RGS5: variants seen among roughly 807,000 people sequenced by gnomAD.
RGS5 encodes regulator of G-protein signalling 5.
A neutral mutation model predicts 18.9 loss-of-function variants in RGS5; 20 were observed. That is an observed-to-expected ratio of 1.06 (90% confidence interval 0.74 to 1.54). RGS5 has a LOEUF of 1.54. Ranked by LOEUF, RGS5 falls within the 40% of genes most tolerant of loss-of-function variation. RGS5 has a pLI of 0.00. For missense variants in RGS5, 201 were observed against 211.8 expected, an observed-to-expected ratio of 0.95 and a Z score of 0.32; for synonymous variants, 57 against 76.2, an observed-to-expected ratio of 0.75 and a Z score of 1.31.
chr1:163,161,887 T>C (rs1204515766), intron 3 of RGS5, 28 bp downstream of exon 3: 2 of 1,593,956 alleles, frequency 1.3e-6, no homozygotes, highest in African/African-American at 1.3e-5. Flanking sequence ...CTGACCTTTA[T>C]TTAAAAAAAC....
chr1:163,153,289 T>C (rs942472297), intron 3 of RGS5, among the ~76,000 whole-genome samples: 6 of 152,126 alleles, frequency 3.9e-5, no homozygotes, highest in African/African-American at 1.2e-4. Flanking sequence ...ATGGAGCTTA[T>C]AGATTCTGGA....
rs112594163 is a variant in RGS5, at chr1:163,285,997, T to TGCGC, written c.-281+20235_-281+20236insGCGC. ...CAGACTCATACAAGTATTTAATTTA[T>TGCGC]GCACACACACACACACACACATGCA... On this transcript the variant is annotated intron_variant, in intron 2 of 5. Transcript: ENST00000618415. 1.2e-3 allele frequency among the ~76,000 whole-genome samples: 103 copies of TGCGC among 86,554 alleles called. 1 individual carries two copies. The highest frequency in any genetic ancestry group is 3.4e-3 in the African/African-American group (96 of 28,304). 56.8% of individuals were successfully genotyped at this position (86,554 alleles called of 152,430 possible).
At chr1:163,287,136 T>C (rs1159166408) in intron 2 of RGS5, among the ~76,000 whole-genome samples, 1 of 152,234 alleles carries the variant, frequency 6.6e-6, no homozygotes, top group East Asian at 1.9e-4. Flanking sequence ...AAACTATGTA[T>C]GCCAAAGTTT....
intron 2 of RGS5, among the ~76,000 whole-genome samples, chr1:163,261,806 C>T (rs969985394): frequency 9.9e-5 from 15 of 152,278 alleles, no homozygotes; most frequent in African/African-American, 3.6e-4. Flanking sequence ...AATGGGAACA[C>T]ATGGTGGAAG....
intron 1 of RGS5, among the ~76,000 whole-genome samples, chr1:163,208,018 TAA>T (rs1427597307): frequency 2.6e-5 from 4 of 151,892 alleles, no homozygotes; most frequent in Non-Finnish European, 4.4e-5. Flanking sequence ...ACCAAACATA[TAA>T]GTTATATCAA....
At chr1:163,224,797 A>C (rs1479629765) in intron 2 of RGS5, among the ~76,000 whole-genome samples, 1 of 152,158 alleles carries the variant, frequency 6.6e-6, no homozygotes, top group Non-Finnish European at 1.5e-5. Flanking sequence ...TTAGTGATGT[A>C]GGACACTTTT....
At chr1:163,206,496 T>C (rs1659957742), upstream of RGS5, among the ~76,000 whole-genome samples, 1 of 152,210 alleles carries the variant, frequency 6.6e-6, no homozygotes, top group Non-Finnish European at 1.5e-5. Context: ...TGTCCTCATA[T>C]ACATATGTAC....
chr1:163,152,470 G>T (rs976957187), intron 4 of RGS5, 80 bp downstream of exon 4: 21 of 1,432,550 alleles, frequency 1.5e-5, no homozygotes, highest in Admixed American at 2.2e-5. Context: ...GCTCCCAACG[G>T]GAGGTCTGTG....
intron 1 of RGS5, among the ~76,000 whole-genome samples, chr1:163,209,098 G>T (rs1242451972): frequency 6.6e-6 from 1 of 152,132 alleles, no homozygotes; most frequent in African/African-American, 2.4e-5. Context: ...TTCTATGATT[G>T]CAGTGAATTA....
At chr1:163,223,868 A>T (rs895039661) in intron 2 of RGS5, among the ~76,000 whole-genome samples, 1 of 152,158 alleles carries the variant, frequency 6.6e-6, no homozygotes, top group East Asian at 1.9e-4. Flanking sequence ...AAGTCTATTT[A>T]TAGGTCTGGG....
intron 2 of RGS5, among the ~76,000 whole-genome samples, chr1:163,302,766 G>A (rs1649585403): frequency 1.3e-5 from 2 of 152,100 alleles, no homozygotes; most frequent in South Asian, 2.1e-4. Context: ...TCACTCTACC[G>A]GAAATGACCT....
At chr1:163,292,489 T>C (rs1242156066) in intron 2 of RGS5, among the ~76,000 whole-genome samples, 5 of 152,220 alleles carry the variant, frequency 3.3e-5, no homozygotes, top group African/African-American at 1.2e-4. Context: ...CACACATGCA[T>C]GCATCTTTAT....
At chr1:163,273,242 T>A (rs896967593) in intron 2 of RGS5, among the ~76,000 whole-genome samples, 1 of 152,092 alleles carries the variant, frequency 6.6e-6, no homozygotes. Context: ...TAAATGTCAG[T>A]TATATTAAGT....
At chr1:163,278,280 T>TA (rs1382540079) in intron 2 of RGS5, among the ~76,000 whole-genome samples, 1 of 151,974 alleles carries the variant, frequency 6.6e-6, no homozygotes, top group Non-Finnish European at 1.5e-5. Context: ...AAGTTACATA[T>TA]AAGGGGATCT....
chr1:163,292,128 C>T (rs78215522), intron 2 of RGS5, among the ~76,000 whole-genome samples: 10,919 of 152,056 alleles, frequency 0.072, 409 homozygotes, highest in South Asian at 0.098. Flanking sequence ...GGTATTAAGC[C>T]GAGCATCCAT....
chr1:163,255,215 T>C (rs1648238122), intron 2 of RGS5, among the ~76,000 whole-genome samples: 1 of 152,192 alleles, frequency 6.6e-6, no homozygotes, highest in Non-Finnish European at 1.5e-5. Flanking sequence ...GGGGATGGCA[T>C]TGAATCTATA....
chr1:163,304,572 T>C (rs1402912904), intron 2 of RGS5: 1 of 152,270 alleles, frequency 6.6e-6, no homozygotes, highest in Non-Finnish European at 1.5e-5. Flanking sequence ...ACCACACTTC[T>C]ATCAACCTTC....
chr1:163,296,795 A>C (rs1036322846), intron 2 of RGS5, among the ~76,000 whole-genome samples: 1 of 152,162 alleles, frequency 6.6e-6, no homozygotes. Context: ...ACTACCCCAA[A>C]ATATGACTGT....
At chr1:163,293,009 C>T (rs1649330287) in intron 2 of RGS5, among the ~76,000 whole-genome samples, 1 of 149,158 alleles carries the variant, frequency 6.7e-6, no homozygotes, top group South Asian at 2.2e-4. Context: ...TGTGCAGAAG[C>T]TCTTTAGTTT....
Sources: gnomAD v4.1 joint callset for allele counts (sites outside exome capture counted in the v4.1 genomes callset) on GRCh38, gnomAD v4.1.1 for gene constraint, MANE v1.5 for transcripts, NCBI Gene and HGNC (gene_info 2026-07-23, HGNC 2026-07-21) for gene names.